The following SPIDR variants were observed in gnomAD, a reference collection of about 807,000 sequenced individuals.
The protein encoded by SPIDR is scaffold protein involved in DNA repair.
Under a neutral mutation model 104.6 loss-of-function variants are expected in SPIDR, and 93 were observed. That is an observed-to-expected ratio of 0.89 (90% CI 0.75 to 1.06). SPIDR has a LOEUF of 1.06. Ranked by LOEUF, SPIDR falls within the 50% of genes least tolerant of loss-of-function variation. The pLI, the probability that SPIDR is intolerant of heterozygous loss-of-function variation, is 0.00. For synonymous variants in SPIDR, 431 were observed against 416.9 expected (o/e 1.03, Z -0.41); for missense variants, 1,154 against 1,111.2 (o/e 1.04, Z -0.55).
intron 5 of SPIDR, among the ~76,000 whole-genome samples, chr8:47,349,331 C>T (rs1004301939): frequency 3.9e-5 from 6 of 152,160 alleles, no homozygotes; most frequent in East Asian, 1.9e-4. Flanking sequence ...CTGATCCTTC[C>T]TCTGGGAGCT....
chr8:47,699,395 T>C (rs1174008940), intron 11 of SPIDR, among the ~76,000 whole-genome samples: 2 of 152,206 alleles, frequency 1.3e-5, no homozygotes, highest in African/African-American at 4.8e-5. Context: ...AAGATGAGTT[T>C]CTTGACTCCA....
intron 11 of SPIDR, among the ~76,000 whole-genome samples, chr8:47,689,633 A>G (rs1178499141): frequency 1.3e-5 from 2 of 152,222 alleles, no homozygotes; most frequent in Non-Finnish European, 2.9e-5. Flanking sequence ...GCCTAGCTTC[A>G]TGGTACTGGG....
chr8:47,267,917 A>C (rs1306778662), intron 1 of SPIDR, among the ~76,000 whole-genome samples: 2 of 152,202 alleles, frequency 1.3e-5, no homozygotes, highest in African/African-American at 4.8e-5. Context: ...GCCTAAACCA[A>C]GGTCACAAAG....
chr8:47,599,060 G>A lies in SPIDR; in HGVS notation c.1408G>A (p.Glu470Lys). ...PLRDSLLDVV[E>K]SQGAASWPGA... Reference sequence around the variant, plus strand: ...GAGGGATTCTCTCCTGGATGTGGTGGAAAGCCAGGGAGCTGCCTCGTGGCC... The same window carrying A: ...GAGGGATTCTCTCCTGGATGTGGTGAAAAGCCAGGGAGCTGCCTCGTGGCC... Residue 470 changes from glutamate (E) to lysine (K), a missense_variant, in exon 10 of 20, where the codon GAA becomes AAA. Physicochemically the swap from Glu to Lys is moderately conservative, Grantham distance 56. Coordinates refer to ENST00000297423, the MANE Select transcript of SPIDR (RefSeq NM_001080394.4). The A allele has an allele frequency of 6.2e-7, 1 of 1,612,910 alleles. No homozygotes were observed. The highest frequency in any genetic ancestry group is 8.5e-7 in the Non-Finnish European group (1 of 1,179,410).
At chr8:47,466,743 G>T (rs1554717235) in intron 8 of SPIDR, among the ~76,000 whole-genome samples, 1 of 151,026 alleles carries the variant, frequency 6.6e-6, no homozygotes. Context: ...TAACAACCTG[G>T]CATCACAACT....
intron 5 of SPIDR, among the ~76,000 whole-genome samples, chr8:47,350,534 G>A (rs1279228170): frequency 6.6e-6 from 1 of 151,818 alleles, no homozygotes; most frequent in Admixed American, 6.6e-5. Context: ...GGTTGGTCTT[G>A]AACTCTTGAC....
At chr8:47,640,197 A>G (rs1260604142) in intron 10 of SPIDR, among the ~76,000 whole-genome samples, 1 of 152,290 alleles carries the variant, frequency 6.6e-6, no homozygotes, top group African/African-American at 2.4e-5. Flanking sequence ...CTATTGGCCA[A>G]CACCCTGAGA....
rs992384810 is a variant in SPIDR at position 47,701,998 on chromosome 8, A to T, written c.1960A>T (p.Ile654Phe). 6.2e-7 allele frequency: 1 copy of T among 1,612,320 alleles called. No homozygotes were observed. The highest frequency in any genetic ancestry group is 8.5e-7 in the Non-Finnish European group (1 of 1,179,482). The change falls in exon 14 of 20, where the codon ATT becomes TTT. Residue 654 changes from isoleucine (I) to phenylalanine (F), a missense_variant. Transcript: ENST00000297423. The part of the protein sequence containing the change: ...GTRCSFYATV[I>F]YQKPQLKSLL... ...CCGTTGCAGTTTCTATGCCACGGTG[A>T]TTTACCAAAAACCACAGGTAATAAT...
intron 10 of SPIDR, chr8:47,673,466 G>A (rs940080996): frequency 4.2e-6 from 2 of 471,096 alleles, no homozygotes; most frequent in Non-Finnish European, 8.4e-6. Context: ...AATGTATTTG[G>A]TTTAAGAGAA....
chr8:47,435,351 T>G (rs891737196), intron 7 of SPIDR, among the ~76,000 whole-genome samples: 3 of 152,062 alleles, frequency 2.0e-5, no homozygotes, highest in Non-Finnish European at 4.4e-5. Flanking sequence ...TGTGTGTGTG[T>G]GTGGCCTCTT....
Position 47,490,419 on chromosome 8 carries a change from A to C in SPIDR, c.1097+49877A>C, listed in dbSNP as rs568799485. On this transcript the variant is annotated intron_variant, in intron 8 of 19. Coordinates refer to ENST00000297423, the MANE Select transcript of SPIDR (RefSeq NM_001080394.4). ...TTGGTGGGACTAAACTGGTTCAACC[A>C]TTGTGGAAGACAGTGTGGCGATTCC... is the stretch of plus-strand genomic sequence containing the variant. Among the ~76,000 whole-genome samples, 43 of 152,366 alleles carry C rather than the reference A, an allele frequency of 2.8e-4. No individual in the cohort carries two copies. In the South Asian group the frequency reaches 8.5e-3, roughly 30 times the overall value.
At chr8:47,310,387 T>C (rs2043927169) in intron 5 of SPIDR, among the ~76,000 whole-genome samples, 1 of 150,744 alleles carries the variant, frequency 6.6e-6, no homozygotes, top group African/African-American at 2.4e-5. Flanking sequence ...AGTCTTCTGG[T>C]ATTATAAACA....
chr8:47,683,837 C>T (rs966399700), intron 11 of SPIDR, among the ~76,000 whole-genome samples: 2 of 152,160 alleles, frequency 1.3e-5, no homozygotes, highest in East Asian at 1.9e-4. Flanking sequence ...TCAATAAAAA[C>T]CCAATTTGGC....
rs1331066596 is a variant in SPIDR at position 47,302,870 on chromosome 8, C to A, written c.525+8840C>A. Among the ~76,000 whole-genome samples, 3 of 152,336 alleles carry A rather than the reference C, an allele frequency of 2.0e-5. No homozygotes were observed. The East Asian group carries it at 5.8e-4, about 29-fold the overall frequency. The stretch of plus-strand genomic sequence containing the variant: ...AGTCTGCCCCTACTGGGGGGTCCCT[C>A]CCAGTTAGGCTACTCGAGGGTCAGG... On this transcript the variant is annotated intron_variant, in intron 5 of 19. Coordinates refer to ENST00000297423, the MANE Select transcript of SPIDR (RefSeq NM_001080394.4).
chr8:47,520,784 ATGACT>A (rs1426728785), intron 8 of SPIDR, among the ~76,000 whole-genome samples: 1 of 152,212 alleles, frequency 6.6e-6, no homozygotes, highest in Non-Finnish European at 1.5e-5. Context: ...GACACTGGAC[ATGACT>A]TCCCAAAAGA....
At chr8:47,392,111 T>C (rs1210373742) in intron 5 of SPIDR, among the ~76,000 whole-genome samples, 1 of 151,962 alleles carries the variant, frequency 6.6e-6, no homozygotes, top group East Asian at 1.9e-4. Flanking sequence ...GTAAACTATA[T>C]GGGCTAAAAA....
intron 10 of SPIDR, among the ~76,000 whole-genome samples, chr8:47,654,362 T>C (rs974017171): frequency 5.3e-5 from 8 of 151,996 alleles, no homozygotes; most frequent in East Asian, 1.9e-4. Flanking sequence ...GGAGGGAAAA[T>C]AGACAGGTTA....
chr8:47,534,765 A>ACTCT (rs1057336253), intron 8 of SPIDR, among the ~76,000 whole-genome samples: 3 of 152,118 alleles, frequency 2.0e-5, no homozygotes, highest in Non-Finnish European at 2.9e-5. Context: ...CTTCACATGT[A>ACTCT]CTCTCAAACC....
At chr8:47,550,395 T>C (rs1346295135) in intron 8 of SPIDR, among the ~76,000 whole-genome samples, 1 of 152,232 alleles carries the variant, frequency 6.6e-6, no homozygotes, top group Non-Finnish European at 1.5e-5. Context: ...TTCCTATCCA[T>C]GAGCATGGAA....
Sources: allele counts gnomAD v4.1 joint callset (sites outside exome capture counted in the v4.1 genomes callset), GRCh38; gene constraint gnomAD v4.1.1; transcripts MANE v1.5; gene names NCBI Gene and HGNC (gene_info 2026-07-23, HGNC 2026-07-21).